The following DAB1 variants were observed in gnomAD, a reference collection of about 807,000 sequenced individuals.
DAB1 encodes disabled homolog 1.
In DAB1, 15 loss-of-function variants were observed where a neutral mutation model predicts 64.6. That is an observed-to-expected ratio of 0.23 (90% confidence interval 0.16 to 0.36). The LOEUF is 0.36. Among genes scored for constraint, DAB1 ranks in the 10% least tolerant of loss-of-function variants. DAB1 has a pLI of 1.00. For missense variants in DAB1, 596 were observed against 706.7 expected, an observed-to-expected ratio of 0.84 and a Z score of 1.78; for synonymous variants, 235 against 251.9, an observed-to-expected ratio of 0.93 and a Z score of 0.64.
intron 1 of DAB1, chr1:57,864,656 T>G (rs983418540): frequency 2.2e-5 from 3 of 138,622 alleles, no homozygotes; most frequent in Admixed American, 7.9e-5. Context: ...TTAAAAAAAT[T>G]TATTTATTTA....
intron 1 of DAB1, among the ~76,000 whole-genome samples, chr1:57,390,904 C>T (rs556579224): frequency 6.6e-6 from 1 of 152,350 alleles, no homozygotes; most frequent in South Asian, 2.1e-4. Flanking sequence ...TCCTCCTTCT[C>T]CTAAATACAT....
chr1:58,396,872 C>G (rs1233441531), intron 3 of DAB1, among the ~76,000 whole-genome samples: 2 of 152,078 alleles, frequency 1.3e-5, no homozygotes, highest in East Asian at 3.9e-4. Context: ...ACCATCCTGG[C>G]TAACACGGTG....
rs866078597 is a variant in DAB1 at position 58,105,608 on chromosome 1, C to T, written n.387+44903G>A. Among the ~76,000 whole-genome samples the T allele has an allele frequency of 5.3e-5, 8 of 152,092 alleles. No homozygotes were observed. The South Asian group carries it at 8.3e-4, about 16-fold the overall frequency. ...TTCAGGTTCCTCATTTATGAAATGT[C>T]GATGATGATACATACCTGCTTCAAC... On this transcript the variant is annotated intron_variant and non_coding_transcript_variant, in intron 5 of 20. Transcript: ENST00000485760.
chr1:58,536,502 T>C, intron 1 of DAB1: 1 of 864,914 alleles, frequency 1.2e-6, no homozygotes, highest in Non-Finnish European at 2.0e-6. Context: ...AAAACAACTC[T>C]TACTACTTAC....
intron 7 of DAB1, among the ~76,000 whole-genome samples, chr1:57,463,780 T>C (rs1686866368): frequency 6.6e-6 from 1 of 152,206 alleles, no homozygotes; most frequent in Non-Finnish European, 1.5e-5. Context: ...CATTCATTCA[T>C]TCATGAAACA....
At chr1:57,197,541 T>C (rs1253847357) in intron 2 of DAB1, among the ~76,000 whole-genome samples, 1 of 152,218 alleles carries the variant, frequency 6.6e-6, no homozygotes, top group African/African-American at 2.4e-5. Flanking sequence ...TATTCTCATC[T>C]TACAAATGAA....
At chr1:57,895,631 C>G (rs1644381668) in intron 5 of DAB1, among the ~76,000 whole-genome samples, 1 of 152,172 alleles carries the variant, frequency 6.6e-6, no homozygotes, top group Non-Finnish European at 1.5e-5. Context: ...GAGAGGGAGA[C>G]TCCCACATTT....
intron 4 of DAB1, among the ~76,000 whole-genome samples, chr1:58,250,421 C>A (rs151108663): frequency 6.6e-6 from 1 of 152,242 alleles, no homozygotes; most frequent in African/African-American, 2.4e-5. Context: ...CCTAGCGGCT[C>A]CGCTGGCAGC....
chr1:57,949,074 A>T (rs955891848), intron 5 of DAB1, among the ~76,000 whole-genome samples: 34 of 152,130 alleles, frequency 2.2e-4, no homozygotes, highest in African/African-American at 7.5e-4. Flanking sequence ...CTTCTCCAGC[A>T]GCAATCACCA....
chr1:57,229,086 A>G (rs1249546943), intron 2 of DAB1, among the ~76,000 whole-genome samples: 1 of 152,238 alleles, frequency 6.6e-6, no homozygotes, highest in East Asian at 1.9e-4. Flanking sequence ...GTTTTTTAGA[A>G]ACCCTCTTAG....
chr1:58,526,036 A>G (rs1646344515), intron 2 of DAB1, among the ~76,000 whole-genome samples: 1 of 152,090 alleles, frequency 6.6e-6, no homozygotes, highest in Admixed American at 6.5e-5. Context: ...CTCATATTAT[A>G]TATTTTAAAA....
chr1:57,489,800 A>C (rs1251973673), intron 7 of DAB1, among the ~76,000 whole-genome samples: 1 of 152,206 alleles, frequency 6.6e-6, no homozygotes, highest in African/African-American at 2.4e-5. Flanking sequence ...AGCAAAATTG[A>C]AGGTATGACT....
chr1:57,823,953 T>C (rs1652235914), downstream of DAB1, among the ~76,000 whole-genome samples: 1 of 152,224 alleles, frequency 6.6e-6, no homozygotes, highest in Non-Finnish European at 1.5e-5. Context: ...TTCTACCACA[T>C]CATGCTGTCC....
intron 4 of DAB1, among the ~76,000 whole-genome samples, chr1:58,291,963 T>C (rs1038588839): frequency 6.6e-6 from 1 of 152,200 alleles, no homozygotes. Flanking sequence ...ATGGACCCAG[T>C]AAAACAGATT....
At chr1:57,813,812 C>G (rs140669238) in intron 6 of DAB1, among the ~76,000 whole-genome samples, 5 of 152,174 alleles carry the variant, frequency 3.3e-5, no homozygotes, top group African/African-American at 1.2e-4. Flanking sequence ...TGCATCGAAG[C>G]CTTATAGATA....
intron 4 of DAB1, among the ~76,000 whole-genome samples, chr1:58,338,689 G>C (rs763777685): frequency 1.3e-5 from 2 of 152,066 alleles, no homozygotes; most frequent in Non-Finnish European, 2.9e-5. Flanking sequence ...AATCTAGTGT[G>C]AACAAACACT....
chr1:58,268,265 T>A (rs1048031592), intron 4 of DAB1, among the ~76,000 whole-genome samples: 5 of 152,156 alleles, frequency 3.3e-5, no homozygotes, highest in African/African-American at 1.2e-4. Context: ...AAAAAATACA[T>A]ATGAGAGCCA....
At chr1:57,957,095 G>T (rs772586150) in intron 5 of DAB1, among the ~76,000 whole-genome samples, 1 of 152,190 alleles carries the variant, frequency 6.6e-6, no homozygotes, top group East Asian at 1.9e-4. Flanking sequence ...GAAAGGAGGA[G>T]CATGTGATTT....
chr1:58,397,371 C>T (rs1174295417), intron 3 of DAB1, among the ~76,000 whole-genome samples: 2 of 152,228 alleles, frequency 1.3e-5, no homozygotes, highest in Middle Eastern at 3.2e-3. Flanking sequence ...GCCTGCACTT[C>T]AGTCCAGGCC....
Sources: allele counts gnomAD v4.1 joint callset (sites outside exome capture counted in the v4.1 genomes callset), GRCh38; gene constraint gnomAD v4.1.1; transcripts MANE v1.5; gene names NCBI Gene and HGNC (gene_info 2026-07-23, HGNC 2026-07-21).